The following SORT1 variants were observed in gnomAD, a reference collection of about 807,000 sequenced individuals.
The protein encoded by SORT1 is sortilin 1.
SORT1 carries 39 observed loss-of-function variants against 101.7 expected under a neutral mutation model. The observed-to-expected ratio is 0.38, with a 90% CI of 0.30 to 0.50. The LOEUF is 0.50. Ranked by LOEUF, SORT1 falls within the 20% of genes least tolerant of loss-of-function variation. The pLI is 0.90. For synonymous variants in SORT1, 396 were observed against 393.7 expected (o/e 1.01, Z -0.07); for missense variants, 878 against 1,040.4 (o/e 0.84, Z 2.15).
At position 109,335,769 on chromosome 1, in the gene SORT1, C is replaced by T. The variant is rs934985792; in HGVS notation, c.1371+471G>A. Among the ~76,000 whole-genome samples, 6 of 152,256 alleles carry T rather than the reference C, an allele frequency of 3.9e-5. No homozygotes were observed. The East Asian group carries it at 1.2e-3, about 29-fold the overall frequency. ...ACTCTCTGCAACAGGGGCTGCCTTG[C>T]GTCCCTGTGCACTAAGCAGGTCACC... On this transcript the variant is annotated intron_variant, in intron 11 of 19. Coordinates refer to ENST00000256637, the MANE Select transcript of SORT1 (RefSeq NM_002959.7).
In SORT1 at chr1:109,397,896, C is replaced by A. The variant is rs1400305039; in HGVS notation, c.-4G>T. 3.5e-6 allele frequency: 4 copies of A among 1,152,632 alleles called. No homozygotes were observed. In the East Asian group the frequency reaches 1.3e-4, roughly 38 times the overall value. The allele number at this position is 1,152,632 out of a possible 1,614,324, so 71.4% of individuals were successfully genotyped here. A position where few individuals can be genotyped will look rare whatever the true frequency, so the allele number is the denominator to read the frequency against. ...CAGCTCCCCAGGGCCGCTCCATCGC[C>A]GCCGAATGCCGCCGACGCCGACACC... On this transcript the variant is annotated 5_prime_UTR_variant, in exon 1 of 20. Transcript: ENST00000256637.
At chr1:109,330,970 A>C (rs1648422850) in intron 11 of SORT1, among the ~76,000 whole-genome samples, 2 of 152,198 alleles carry the variant, frequency 1.3e-5, no homozygotes, top group South Asian at 4.1e-4. Context: ...CTCAATCAGT[A>C]ATCAAAAACC....
chr1:109,368,587 GATA>G (rs1651257087), intron 2 of SORT1: 1 of 152,328 alleles, frequency 6.6e-6, no homozygotes, highest in South Asian at 2.1e-4. Flanking sequence ...GTTCAAGCAG[GATA>G]ATAAGACAGC....
At chr1:109,333,091 C>A in intron 11 of SORT1, among the ~76,000 whole-genome samples, 1 of 152,232 alleles carries the variant, frequency 6.6e-6, no homozygotes, top group South Asian at 2.1e-4. Flanking sequence ...CCATACCCAG[C>A]TAATTTTTGT....
At chr1:109,366,167 C>A (rs1460379511) in intron 3 of SORT1, among the ~76,000 whole-genome samples, 2 of 152,232 alleles carry the variant, frequency 1.3e-5, no homozygotes, top group East Asian at 3.9e-4. Flanking sequence ...AGGAACGGAA[C>A]CTACTTTTTA....
Position 109,321,331 on chromosome 1 carries a change from G to A in SORT1, c.2024+1601C>T, listed in dbSNP as rs1165408204. Among the ~76,000 whole-genome samples, 4 of 152,142 alleles carry A rather than the reference G, an allele frequency of 2.6e-5. 1 individual carries two copies. The East Asian group carries it at 7.7e-4, about 29-fold the overall frequency. The stretch of plus-strand genomic sequence containing the variant: ...GGCTAAGTGGGAAGTCGCCAGACTT[G>A]GGGGTGAAGCAGGGACTGTGGAAAG... On this transcript the variant is annotated intron_variant, in intron 15 of 19. Coordinates refer to ENST00000256637, the MANE Select transcript of SORT1 (RefSeq NM_002959.7).
Position 109,314,338 on chromosome 1 carries a change from T to TG in SORT1, c.2403dup (p.Asn802GlnfsTer16), listed in dbSNP as rs1215704556. ...AAAGCATCCACACCATCCACACCAT[T>TG]GGCCTCTGCATGCTGCTGCAGCACA... On this transcript the variant is annotated frameshift_variant, in exon 19 of 20. Coordinates refer to ENST00000256637, the MANE Select transcript of SORT1 (RefSeq NM_002959.7). LOFTEE classifies it high-confidence loss of function. 6.2e-7 allele frequency: 1 copy of TG among 1,614,066 alleles called. No individual in the cohort carries two copies. The highest frequency in any genetic ancestry group is 8.5e-7 in the Non-Finnish European group (1 of 1,179,996).
intron 1 of SORT1, among the ~76,000 whole-genome samples, chr1:109,383,258 A>T (rs1652372193): frequency 6.6e-6 from 1 of 152,146 alleles, no homozygotes. Context: ...AGCCTTTTTG[A>T]CAAGCAAAGA....
chr1:109,385,608 C>T (rs1652525232), intron 1 of SORT1, among the ~76,000 whole-genome samples: 1 of 152,188 alleles, frequency 6.6e-6, no homozygotes, highest in African/African-American at 2.4e-5. Flanking sequence ...GCTGCTTCTC[C>T]CTTGGGTGTG....
intron 13 of SORT1, among the ~76,000 whole-genome samples, chr1:109,326,510 C>CACATATATATACATATAT (rs1648068532): frequency 7.5e-6 from 1 of 132,682 alleles, no homozygotes; most frequent in African/African-American, 2.9e-5. Flanking sequence ...TATATACACA[C>CACATATATATACATATAT]ATACACATAT....
At position 109,397,693 on chromosome 1, in the gene SORT1, C is replaced by A; in HGVS notation, c.200G>T (p.Gly67Val). ...CCAACGGCCGCCGCGGGGAAACGCG[C>A]CCCCGGCTGCGGCCGCCCGCAGCCC... Reference protein sequence around the residue: ...SWGLRAAAAGGAFPRGGRWRR... With the variant: ...SWGLRAAAAGVAFPRGGRWRR... Residue 67 changes from glycine to valine, a missense_variant, in exon 1 of 20, where the codon GGC (glycine) becomes GTC (valine). Physicochemically the swap from Gly to Val is moderately radical, Grantham distance 109. Transcript: ENST00000256637. 2 of 1,191,642 alleles carry A rather than the reference C, an allele frequency of 1.7e-6. No homozygotes were observed. The highest frequency in any genetic ancestry group is 2.1e-6 in the Non-Finnish European group (2 of 963,476). 73.8% of individuals were successfully genotyped at this position (1,191,642 alleles called of 1,614,324 possible).
At chr1:109,330,498 A>C (rs911416379) in intron 11 of SORT1, among the ~76,000 whole-genome samples, 9 of 152,226 alleles carry the variant, frequency 5.9e-5, no homozygotes, top group Admixed American at 2.0e-4. Context: ...CTAAGAAGAA[A>C]GTTTATGGTG....
chr1:109,379,268 T>A (rs1652073116), intron 1 of SORT1, among the ~76,000 whole-genome samples: 1 of 150,880 alleles, frequency 6.6e-6, no homozygotes. Context: ...GGGCCACACA[T>A]AAAATACATT....
chr1:109,348,583 G>A (rs572109704), intron 6 of SORT1, among the ~76,000 whole-genome samples: 91 of 152,152 alleles, frequency 6.0e-4, no homozygotes, highest in African/African-American at 2.0e-3. Context: ...CGAACTCCTC[G>A]GCTAAAGTGA....
In SORT1 at chr1:109,314,861, A is replaced by C. The variant is rs1658939651; in HGVS notation, c.2251-83T>G. On this transcript the variant is annotated intron_variant, in intron 17 of 19. Transcript: ENST00000256637. Reference sequence around the variant, plus strand: ...GTCAAGGCAGCCACTCATTCCCCTCATCTCTTTGTGAATGATCTGCAGTCC... The same window carrying C: ...GTCAAGGCAGCCACTCATTCCCCTCCTCTCTTTGTGAATGATCTGCAGTCC... 4 of 712,912 alleles carry C rather than the reference A, an allele frequency of 5.6e-6. No individual in the cohort carries two copies. The Admixed American group carries it at 6.3e-5, about 11-fold the overall frequency. The allele number at this position is 712,912 out of a possible 1,614,324, so 44.2% of individuals were successfully genotyped here.
rs755651102 is a variant in SORT1 at position 109,336,276 on chromosome 1, G to A, written c.1335C>T (p.Asn445=). The A allele has an allele frequency of 5.6e-6, 9 of 1,613,346 alleles. No homozygotes were observed. The highest frequency in any genetic ancestry group is 3.3e-5 in the South Asian group (3 of 91,080). Residue 445 remains asparagine, a synonymous_variant, in exon 11 of 20, where the codon AAC becomes AAT. Transcript: ENST00000256637. ...TTTTTGCTGTAGCATCACATTCACTGTTTTCAGGCTTCCTCAGGTGCGTCC... is the reference window on the plus strand; with the variant it reads ...TTTTTGCTGTAGCATCACATTCACTATTTTCAGGCTTCCTCAGGTGCGTCC... ...GRWTHLRKPE[N]SECDATAKNK... is the part of the protein sequence containing the mutation.
chr1:109,334,087 A>T (rs996195766), intron 11 of SORT1, among the ~76,000 whole-genome samples: 6 of 152,146 alleles, frequency 3.9e-5, no homozygotes, highest in African/African-American at 1.4e-4. Context: ...CGGAGGTTGA[A>T]GTGAGCCAAG....
intron 8 of SORT1, among the ~76,000 whole-genome samples, chr1:109,344,930 C>A (rs1420130717): frequency 1.3e-5 from 2 of 152,088 alleles, no homozygotes; most frequent in Non-Finnish European, 2.9e-5. Context: ...TTCCTGGGCT[C>A]AAGGGATCCA....
At chr1:109,350,093 T>C (rs1649861649) in intron 6 of SORT1, among the ~76,000 whole-genome samples, 1 of 152,234 alleles carries the variant, frequency 6.6e-6, no homozygotes, top group Non-Finnish European at 1.5e-5. Flanking sequence ...GTAATTCTAA[T>C]GCTGTTACGT....
Sources: allele counts gnomAD v4.1 joint callset (sites outside exome capture counted in the v4.1 genomes callset), GRCh38; gene constraint gnomAD v4.1.1; transcripts MANE v1.5; gene names NCBI Gene and HGNC (gene_info 2026-07-23, HGNC 2026-07-21).